TRIM34: variants seen among roughly 807,000 people sequenced by gnomAD.
TRIM34 encodes tripartite motif containing 34.
Under a neutral mutation model 38.1 loss-of-function variants are expected in TRIM34, and 41 were observed. The ratio of observed to expected loss-of-function variants is 1.08; its 90% CI spans 0.84 to 1.40. TRIM34 has a LOEUF of 1.40. Among genes scored for constraint, TRIM34 ranks in the 40% most tolerant of loss-of-function variants. TRIM34 has a pLI of 0.00. For missense variants in TRIM34, 556 were observed against 571.4 expected, an observed-to-expected ratio of 0.97 and a Z score of 0.27; for synonymous variants, 200 against 202.5, an observed-to-expected ratio of 0.99 and a Z score of 0.10.
At chr11:5,629,167 C>T (rs1363122856) in intron 1 of TRIM34, among the ~76,000 whole-genome samples, 2 of 152,148 alleles carry the variant, frequency 1.3e-5, no homozygotes, top group East Asian at 3.9e-4. Flanking sequence ...ATCCCAGCTA[C>T]TCAGGAGACT....
At chr11:5,638,865 G>A (rs986197290) in intron 4 of TRIM34, among the ~76,000 whole-genome samples, 2 of 152,160 alleles carry the variant, frequency 1.3e-5, no homozygotes, top group Non-Finnish European at 2.9e-5. Flanking sequence ...CTGGTTACAG[G>A]GAGAAGGTCA....
chr11:5,634,982 A>G (rs1202883525), intron 4 of TRIM34, 121 bp downstream of exon 4: 1 of 979,032 alleles, frequency 1.0e-6, no homozygotes, highest in Non-Finnish European at 1.5e-6. Flanking sequence ...CTTGTCGTCC[A>G]TTCTAGATGT....
At chr11:5,627,756 T>A (rs1237523104) in intron 1 of TRIM34, among the ~76,000 whole-genome samples, 1 of 152,158 alleles carries the variant, frequency 6.6e-6, no homozygotes, top group African/African-American at 2.4e-5. Flanking sequence ...TCTCTGGATG[T>A]CAAAACAGGC....
chr11:5,642,321 A>C, intron 5 of TRIM34, 85 bp from the exon 6 acceptor site: 1 of 1,224,802 alleles, frequency 8.2e-7, no homozygotes, highest in Non-Finnish European at 1.2e-6. Flanking sequence ...TGCATCAGTG[A>C]TGTGAAGGAG....
chr11:5,632,275 A>G lies in TRIM34; in HGVS notation c.-57A>G, dbSNP rs1849512816. 1 of 1,610,452 alleles carries G rather than the reference A, an allele frequency of 6.2e-7. No homozygotes were observed. Among genetic ancestry groups the G allele is most frequent in the East Asian group, 2.2e-5 (1 of 44,880 alleles). The stretch of plus-strand genomic sequence containing the variant: ...CTCAGCCATCCAGGGGTCTTTAACC[A>G]GAAGAGAGAGGAGAGCCTCAGGAGT... On this transcript the variant is annotated 5_prime_UTR_variant, in exon 2 of 8. Transcript: ENST00000429814.
At position 5,634,614 on chromosome 11, in the gene TRIM34, C is replaced by G. The variant is rs1564886251; in HGVS notation, c.520-17C>G. The G allele has an allele frequency of 3.1e-6, 5 of 1,604,892 alleles. No homozygotes were observed. The highest frequency in any genetic ancestry group is 4.3e-6 in the Non-Finnish European group (5 of 1,174,682). On this transcript the variant is annotated splice_polypyrimidine_tract_variant and intron_variant, in intron 3 of 7. Transcript: ENST00000429814. The stretch of plus-strand genomic sequence containing the variant: ...CCTGACAAACTTACTACAACTCTCT[C>G]TTGTCCATCCTTGCAGTATCAGGTA...
intron 3 of TRIM34, among the ~76,000 whole-genome samples, chr11:5,634,419 T>A (rs1849620546): frequency 6.6e-6 from 1 of 150,774 alleles, no homozygotes; most frequent in Non-Finnish European, 1.5e-5. Flanking sequence ...TCTACTCCCT[T>A]GCTGATTTGA....
At chr11:5,639,785 AAGAG>A (rs1364183561) in intron 4 of TRIM34, among the ~76,000 whole-genome samples, 53 of 151,468 alleles carry the variant, frequency 3.5e-4, no homozygotes, top group Admixed American at 3.4e-3. Context: ...CATCTGTAAA[AAGAG>A]AGAGATTTAC....
chr11:5,633,090 G>A (rs1022798048), intron 2 of TRIM34, among the ~76,000 whole-genome samples: 2 of 148,056 alleles, frequency 1.4e-5, no homozygotes, highest in African/African-American at 5.0e-5. Flanking sequence ...CACCCACCTC[G>A]GCCTCCCAAA....
intron 1 of TRIM34, among the ~76,000 whole-genome samples, chr11:5,628,996 G>T (rs1462712377): frequency 6.6e-6 from 1 of 152,134 alleles, no homozygotes; most frequent in African/African-American, 2.4e-5. Context: ...ACAGGTCAAG[G>T]CCGGGTGCAG....
chr11:5,624,775 A>G (rs1482395070), upstream of TRIM34: 2 of 152,264 alleles, frequency 1.3e-5, no homozygotes, highest in Admixed American at 6.5e-5. Flanking sequence ...TGTGCCATCT[A>G]GTGCAAATCC....
chr11:5,629,618 A>G (rs945299487), intron 1 of TRIM34, among the ~76,000 whole-genome samples: 1 of 152,204 alleles, frequency 6.6e-6, no homozygotes. Context: ...ATTTGCACTC[A>G]TGCAGCTTAA....
chr11:5,634,950 T>C (rs1326191042), intron 4 of TRIM34, 89 bp downstream of exon 4: 20 of 1,397,750 alleles, frequency 1.4e-5, no homozygotes, highest in Non-Finnish European at 1.8e-5. Context: ...ACTAAGGGGT[T>C]TCTTTGGCCT....
chr11:5,642,402 C>A lies in TRIM34; in HGVS notation c.774-4C>A. 6.2e-7 allele frequency: 1 copy of A among 1,611,694 alleles called. No individual in the cohort carries two copies. The highest frequency in any genetic ancestry group is 8.5e-7 in the Non-Finnish European group (1 of 1,179,564). On this transcript the variant is annotated splice_polypyrimidine_tract_variant and splice_region_variant and intron_variant, in intron 5 of 7. Transcript: ENST00000429814. ...GGGGGTCAAAAAATTTTTTTCATCC[C>A]TAGGAGTGAGATCTGGAGGCTGAAA...
At chr11:5,621,649 A>C (rs1405836491), upstream of TRIM34, among the ~76,000 whole-genome samples, 1 of 152,216 alleles carries the variant, frequency 6.6e-6, no homozygotes, top group East Asian at 1.9e-4. Context: ...CTTCAAAATC[A>C]CTAGGCCAAA....
chr11:5,635,789 C>T (rs951411103), intron 4 of TRIM34, among the ~76,000 whole-genome samples: 1 of 151,870 alleles, frequency 6.6e-6, no homozygotes, highest in Non-Finnish European at 1.5e-5. Flanking sequence ...CTTTTGTCTT[C>T]TTTTTTTGTT....
upstream of TRIM34, among the ~76,000 whole-genome samples, chr11:5,622,714 G>C (rs967896940): frequency 5.9e-5 from 9 of 152,176 alleles, no homozygotes; most frequent in Non-Finnish European, 8.8e-5. Context: ...GAACTGATGG[G>C]CTAAGGTAAT....
chr11:5,638,866 G>C (rs569954115), intron 4 of TRIM34, among the ~76,000 whole-genome samples: 22 of 152,282 alleles, frequency 1.4e-4, no homozygotes, highest in African/African-American at 5.3e-4. Flanking sequence ...TGGTTACAGG[G>C]AGAAGGTCAG....
At chr11:5,622,361 C>T (rs550919083), upstream of TRIM34, among the ~76,000 whole-genome samples, 1 of 151,316 alleles carries the variant, frequency 6.6e-6, no homozygotes, top group Non-Finnish European at 1.5e-5. Flanking sequence ...AGGAGAATGG[C>T]GTGAACCCGG....
Sources: allele counts gnomAD v4.1 joint callset (sites outside exome capture counted in the v4.1 genomes callset), GRCh38; gene constraint gnomAD v4.1.1; transcripts MANE v1.5; gene names NCBI Gene and HGNC (gene_info 2026-07-23, HGNC 2026-07-21).